The following RAB27B variants were observed in gnomAD, a reference collection of about 807,000 sequenced individuals.
RAB27B encodes ras-related protein Rab-27B.
Under a neutral mutation model 24.6 loss-of-function variants are expected in RAB27B, and 15 were observed. That is an observed-to-expected ratio of 0.61 (90% CI 0.41 to 0.94). RAB27B has a LOEUF of 0.94. RAB27B is among the 40% of genes least tolerant of loss of function. The pLI is 0.00. For missense variants in RAB27B, 261 were observed against 266.8 expected, an observed-to-expected ratio of 0.98 and a Z score of 0.15; for synonymous variants, 105 against 92.5, an observed-to-expected ratio of 1.14 and a Z score of -0.78.
At chr18:54,763,305 T>G (rs1269353133) in intron 2 of RAB27B, among the ~76,000 whole-genome samples, 2 of 151,740 alleles carry the variant, frequency 1.3e-5, no homozygotes, top group East Asian at 1.9e-4. Flanking sequence ...GTCTATGTGT[T>G]TGTTTATTTA....
intron 1 of RAB27B, among the ~76,000 whole-genome samples, chr18:54,869,139 G>A (rs146404519): frequency 0.011 from 1,601 of 152,280 alleles, 19 homozygotes; most frequent in Non-Finnish European, 0.012. Flanking sequence ...GAGCTTTGGG[G>A]ATAATACTAG....
Position 54,830,212 on chromosome 18 carries a change from T to C in RAB27B, c.-20+1512T>C, listed in dbSNP as rs1946562291. On this transcript the variant is annotated intron_variant, in intron 1 of 5. Coordinates refer to ENST00000262094, the MANE Select transcript of RAB27B (RefSeq NM_004163.4). ...ATCTTCTTGGTAGAAGATCAGTTGG[T>C]ATGCCAGTTTACACTACAACTGTAT... is the stretch of plus-strand genomic sequence containing the variant. 2.0e-5 allele frequency among the ~76,000 whole-genome samples: 3 copies of C among 152,232 alleles called. No individual in the cohort carries two copies. In the South Asian group the frequency reaches 6.2e-4, roughly 32 times the overall value.
At position 54,889,555 on chromosome 18, in the gene RAB27B, C is replaced by A; in HGVS notation, c.*142C>A. 1 of 781,562 alleles carries A rather than the reference C, an allele frequency of 1.3e-6. No homozygotes were observed. Among genetic ancestry groups the A allele is most frequent in the Non-Finnish European group, 2.0e-6 (1 of 509,944 alleles). The allele number at this position is 781,562 out of a possible 1,614,324, so 48.4% of individuals were successfully genotyped here. On this transcript the variant is annotated 3_prime_UTR_variant, in exon 6 of 6. Coordinates refer to ENST00000262094, the MANE Select transcript of RAB27B (RefSeq NM_004163.4). ...TGCCAGAAAATCTATTTTAAGAAAC[C>A]AGAATAGTCAACAGTGTTCAAAAGA...
At chr18:54,774,957 C>T (rs1394603958) in intron 2 of RAB27B, among the ~76,000 whole-genome samples, 1 of 152,178 alleles carries the variant, frequency 6.6e-6, no homozygotes, top group Non-Finnish European at 1.5e-5. Flanking sequence ...AAATGCTTGG[C>T]ACCTAATTAA....
chr18:54,814,583 A>G (rs1211398191), intron 2 of RAB27B, among the ~76,000 whole-genome samples: 1 of 152,200 alleles, frequency 6.6e-6, no homozygotes, highest in Non-Finnish European at 1.5e-5. Flanking sequence ...ATTTTTAACA[A>G]TTGGCAGGAT....
At chr18:54,756,957 C>T (rs1303666910) in intron 2 of RAB27B, among the ~76,000 whole-genome samples, 1 of 151,994 alleles carries the variant, frequency 6.6e-6, no homozygotes, top group Non-Finnish European at 1.5e-5. Context: ...AAAGCTATTC[C>T]ACTTGGCAAA....
chr18:54,801,141 T>C (rs1200921705), intron 2 of RAB27B, among the ~76,000 whole-genome samples: 1 of 151,452 alleles, frequency 6.6e-6, no homozygotes, highest in East Asian at 1.9e-4. Context: ...GATTCCCTAG[T>C]AGCTGGGATT....
At chr18:54,728,875 C>CAA (rs56161105) in intron 2 of RAB27B, among the ~76,000 whole-genome samples, 6,130 of 36,126 alleles carry the variant, frequency 0.17, 1,027 homozygotes, top group African/African-American at 0.26. Flanking sequence ...GACTCTGTCT[C>CAA]AAAAAAAAAA....
chr18:54,812,155 T>TG (rs1382840662), intron 2 of RAB27B, among the ~76,000 whole-genome samples: 1 of 152,186 alleles, frequency 6.6e-6, no homozygotes, highest in African/African-American at 2.4e-5. Context: ...ATTGACATTT[T>TG]GGGGGGTTTT....
intron 2 of RAB27B, among the ~76,000 whole-genome samples, chr18:54,768,690 G>C (rs1465060163): frequency 1.3e-5 from 2 of 152,072 alleles, no homozygotes; most frequent in Non-Finnish European, 2.9e-5. Context: ...TGCATTGCTG[G>C]GGAGGCCTCA....
intron 1 of RAB27B, among the ~76,000 whole-genome samples, chr18:54,869,163 T>C (rs952116975): frequency 2.0e-5 from 3 of 152,260 alleles, no homozygotes; most frequent in Admixed American, 6.5e-5. Flanking sequence ...TTTGCTTTCA[T>C]GTTGTTTTCA....
intron 1 of RAB27B, among the ~76,000 whole-genome samples, chr18:54,877,056 A>T (rs558294968): frequency 1.3e-5 from 2 of 152,192 alleles, no homozygotes; most frequent in Non-Finnish European, 2.9e-5. Context: ...GAGGTAATTT[A>T]ATCCTGGGGG....
intron 2 of RAB27B, among the ~76,000 whole-genome samples, chr18:54,800,155 T>G (rs1288619157): frequency 6.6e-6 from 1 of 152,254 alleles, no homozygotes; most frequent in Non-Finnish European, 1.5e-5. Flanking sequence ...TATATAGATT[T>G]GTTCATTCCC....
chr18:54,723,633 CATAG>C (rs140976362), intron 2 of RAB27B, among the ~76,000 whole-genome samples: 3,788 of 151,876 alleles, frequency 0.025, 140 homozygotes, highest in African/African-American at 0.084. Context: ...ATTAGATAGA[CATAG>C]ATAGATAGAT....
intron 2 of RAB27B, among the ~76,000 whole-genome samples, chr18:54,822,597 G>A (rs1285645736): frequency 2.0e-5 from 3 of 152,138 alleles, no homozygotes; most frequent in Admixed American, 6.5e-5. Flanking sequence ...AATTATATAT[G>A]CTAATAAATG....
At chr18:54,843,372 A>G (rs1163294106) in intron 1 of RAB27B, among the ~76,000 whole-genome samples, 1 of 145,814 alleles carries the variant, frequency 6.9e-6, no homozygotes, top group Non-Finnish European at 1.5e-5. Context: ...TTTTTTTTTT[A>G]GCAGTGCCAG....
chr18:54,765,531 C>T (rs914428314), intron 2 of RAB27B, among the ~76,000 whole-genome samples: 3 of 152,122 alleles, frequency 2.0e-5, no homozygotes, highest in African/African-American at 7.2e-5. Context: ...TTAAAATTTG[C>T]TTTGTTCCAG....
intron 2 of RAB27B, among the ~76,000 whole-genome samples, chr18:54,795,464 C>G (rs1909387176): frequency 6.6e-6 from 1 of 152,018 alleles, no homozygotes. Flanking sequence ...AGTCTCAACT[C>G]CATCTCCCTA....
intron 1 of RAB27B, among the ~76,000 whole-genome samples, chr18:54,842,651 C>T (rs1819889): frequency 0.29 from 44,396 of 152,018 alleles, 7,421 homozygotes; most frequent in African/African-American, 0.45. Context: ...TAAGACACAT[C>T]TTGCTGTTAT....
Sources: gnomAD v4.1 joint callset for allele counts (sites outside exome capture counted in the v4.1 genomes callset) on GRCh38, gnomAD v4.1.1 for gene constraint, MANE v1.5 for transcripts, NCBI Gene and HGNC (gene_info 2026-07-23, HGNC 2026-07-21) for gene names.